C1GALT1: variants seen among roughly 807,000 people sequenced by gnomAD.
C1GALT1 encodes the protein core 1 synthase, glycoprotein-N-acetylgalactosamine 3-beta-galactosyltransferase 1.
A neutral mutation model predicts 31.0 loss-of-function variants in C1GALT1; 11 were observed. The observed-to-expected ratio is 0.36, with a 90% CI of 0.22 to 0.59. The LOEUF (loss-of-function observed/expected upper bound fraction) is 0.59. Among genes scored for constraint, C1GALT1 ranks in the 20% least tolerant of loss-of-function variants. The probability of loss-of-function intolerance (pLI) is 0.79; values close to 1 mark genes in which losing one functional copy is unlikely to be tolerated. For missense variants in C1GALT1, 424 were observed against 425.2 expected, an observed-to-expected ratio of 1.00 and a Z score of 0.03; for synonymous variants, 175 against 143.6, an observed-to-expected ratio of 1.22 and a Z score of -1.56.
intron 1 of C1GALT1, among the ~76,000 whole-genome samples, chr7:7,186,010 A>G (rs967727714): frequency 5.9e-5 from 9 of 151,584 alleles, no homozygotes; most frequent in African/African-American, 2.2e-4. Context: ...TATTCCTTAC[A>G]GTTAGGAAGG....
In C1GALT1 at chr7:7,247,554, G is replaced by A. The variant is rs1783894577; in HGVS notation, c.*3827G>A. On this transcript the variant is annotated 3_prime_UTR_variant, in exon 4 of 4. Transcript: ENST00000436587. The stretch of plus-strand genomic sequence containing the variant: ...AACTGGTTATTTTCACAATTTTCTT[G>A]AATATTAATTTTTCACTTCTTTGAG... 6.6e-6 allele frequency: 1 copy of A among 152,048 alleles called. No homozygotes were observed. The highest frequency in any genetic ancestry group is 1.5e-5 in the Non-Finnish European group (1 of 67,944). 9.4% of individuals were successfully genotyped at this position (152,048 alleles called of 1,614,324 possible). A position where few individuals can be genotyped will look rare whatever the true frequency, so the allele number is the denominator to read the frequency against.
chr7:7,163,126 C>T (rs1333414981), intron 2 of C1GALT1, among the ~76,000 whole-genome samples: 2 of 152,218 alleles, frequency 1.3e-5, no homozygotes, highest in East Asian at 3.9e-4. Context: ...TTAATTAGAT[C>T]CCATTTGTCA....
chr7:7,159,818 A>G (rs1037472491), intron 2 of C1GALT1, among the ~76,000 whole-genome samples: 1 of 152,194 alleles, frequency 6.6e-6, no homozygotes, highest in African/African-American at 2.4e-5. Flanking sequence ...GCATTTTCCT[A>G]TAGAAACACT....
chr7:7,217,322 G>C (rs1329195435), intron 1 of C1GALT1, among the ~76,000 whole-genome samples: 5 of 151,674 alleles, frequency 3.3e-5, no homozygotes, highest in Admixed American at 6.6e-5. Flanking sequence ...CTGAGGGGGT[G>C]GGGGGGCTCC....
At chr7:7,197,365 T>C (rs1005116854) in intron 1 of C1GALT1, among the ~76,000 whole-genome samples, 1 of 152,164 alleles carries the variant, frequency 6.6e-6, no homozygotes, top group Non-Finnish European at 1.5e-5. Context: ...TGTGTGGTTT[T>C]ATTACCGAGG....
At chr7:7,160,002 A>T (rs970613846) in intron 2 of C1GALT1, among the ~76,000 whole-genome samples, 1 of 152,134 alleles carries the variant, frequency 6.6e-6, no homozygotes, top group Non-Finnish European at 1.5e-5. Context: ...TCATAAATTG[A>T]GGGATATGTC....
chr7:7,187,096 C>T (rs1294484292), intron 1 of C1GALT1, among the ~76,000 whole-genome samples: 2 of 152,092 alleles, frequency 1.3e-5, no homozygotes, highest in Non-Finnish European at 2.9e-5. Context: ...TTGCTCAGAC[C>T]AGGGTGATAG....
At chr7:7,188,398 G>A (rs1780912463) in intron 1 of C1GALT1, among the ~76,000 whole-genome samples, 1 of 152,150 alleles carries the variant, frequency 6.6e-6, no homozygotes, top group Admixed American at 6.5e-5. Flanking sequence ...TTGTGTATGT[G>A]AATCTGAAAC....
chr7:7,191,834 T>C (rs1781087304), intron 1 of C1GALT1, among the ~76,000 whole-genome samples: 1 of 152,102 alleles, frequency 6.6e-6, no homozygotes, highest in Admixed American at 6.6e-5. Context: ...TTTTTTTGTT[T>C]GAGTTTTAGG....
chr7:7,212,137 CAA>C lies in C1GALT1; in HGVS notation c.-17-22165_-17-22164del, dbSNP rs575751139. ...ATAAGACCTTTAAAGCCTAGGCCAGCAATGGGTTTCTATCCTCAAATACCTGT... is the reference window on the plus strand; with the variant it reads ...ATAAGACCTTTAAAGCCTAGGCCAGCTGGGTTTCTATCCTCAAATACCTGT... On this transcript the variant is annotated intron_variant, in intron 1 of 3. Coordinates refer to ENST00000436587, the MANE Select transcript of C1GALT1 (RefSeq NM_020156.5). Among the ~76,000 whole-genome samples, 317 of 152,302 alleles carry C rather than the reference CAA, an allele frequency of 2.1e-3. 2 individuals carry two copies. Among genetic ancestry groups the C allele is most frequent in the Admixed American group, 4.8e-3 (74 of 15,308 alleles).
chr7:7,195,100 C>T (rs1781228076), intron 1 of C1GALT1, among the ~76,000 whole-genome samples: 1 of 152,074 alleles, frequency 6.6e-6, no homozygotes, highest in South Asian at 2.1e-4. Context: ...TTTTGTTTAT[C>T]TTTTCAAAGA....
intron 2 of C1GALT1, 152 bp downstream of exon 2, chr7:7,234,691 A>T (rs185105101): frequency 2.4e-5 from 14 of 591,840 alleles, no homozygotes; most frequent in Non-Finnish European, 3.8e-5. Flanking sequence ...AATTGCTAAA[A>T]CTCAGATTTA....
Position 7,228,936 on chromosome 7 carries a change from TATAGAA to T in C1GALT1, c.-17-5366_-17-5361del, listed in dbSNP as rs1368437164. The stretch of plus-strand genomic sequence containing the variant: ...CCACAAACAGTAACTGTTTTTGTGT[TATAGAA>T]GTAGGCTTGTTCTGAAGCTCAGCAT... On this transcript the variant is annotated intron_variant, in intron 1 of 3. Transcript: ENST00000436587. 1.1e-4 allele frequency among the ~76,000 whole-genome samples: 17 copies of T among 152,296 alleles called. No individual in the cohort carries two copies. In the East Asian group the frequency reaches 3.3e-3, roughly 29 times the overall value.
chr7:7,233,928 G>A (rs1008898), intron 1 of C1GALT1, among the ~76,000 whole-genome samples: 1 of 151,964 alleles, frequency 6.6e-6, no homozygotes, highest in African/African-American at 2.4e-5. Context: ...GGTTGGAGAA[G>A]GGGTGGTGGT....
chr7:7,191,725 T>G (rs2081867754), intron 1 of C1GALT1, among the ~76,000 whole-genome samples: 1 of 152,132 alleles, frequency 6.6e-6, no homozygotes, highest in Admixed American at 6.6e-5. Context: ...TGCTAATGAT[T>G]AGAGATGTTG....
At chr7:7,237,377 G>A (rs1305662878) in intron 2 of C1GALT1, among the ~76,000 whole-genome samples, 1 of 152,160 alleles carries the variant, frequency 6.6e-6, no homozygotes, top group Non-Finnish European at 1.5e-5. Flanking sequence ...TCAGTTTTAC[G>A]CTCACTGCTT....
At chr7:7,179,650 C>T (rs535983495), upstream of C1GALT1, among the ~76,000 whole-genome samples, 1 of 152,194 alleles carries the variant, frequency 6.6e-6, no homozygotes, top group Admixed American at 6.5e-5. Flanking sequence ...CAGACAATAA[C>T]AAAATCTTAT....
chr7:7,244,942 A>C lies in C1GALT1; in HGVS notation c.*1215A>C, dbSNP rs1783783616. 1 of 152,224 alleles carries C rather than the reference A, an allele frequency of 6.6e-6. No individual in the cohort carries two copies. Among genetic ancestry groups the C allele is most frequent in the African/African-American group, 2.4e-5 (1 of 41,472 alleles). The allele number at this position is 152,224 out of a possible 1,614,324, so 9.4% of individuals were successfully genotyped here. A position where few individuals can be genotyped will look rare whatever the true frequency, so the allele number is the denominator to read the frequency against. On this transcript the variant is annotated 3_prime_UTR_variant, in exon 4 of 4. Coordinates refer to ENST00000436587, the MANE Select transcript of C1GALT1 (RefSeq NM_020156.5). ...GCTATTTTGGGATAATTGTTTTGCT[A>C]ATGGATAATTCTAACAATGCAGAAT... is the stretch of plus-strand genomic sequence containing the variant.
At chr7:7,219,415 TAAC>T (rs1782405594) in intron 1 of C1GALT1, among the ~76,000 whole-genome samples, 1 of 151,880 alleles carries the variant, frequency 6.6e-6, no homozygotes, top group African/African-American at 2.4e-5. Flanking sequence ...GGAATGTTGA[TAAC>T]AGGAAGCTAG....
Sources: gnomAD v4.1 joint callset for allele counts (sites outside exome capture counted in the v4.1 genomes callset) on GRCh38, gnomAD v4.1.1 for gene constraint, MANE v1.5 for transcripts, NCBI Gene and HGNC (gene_info 2026-07-23, HGNC 2026-07-21) for gene names.